XIRP2: variants seen among roughly 807,000 people sequenced by gnomAD.
The protein encoded by XIRP2 is xin actin-binding repeat-containing protein 2.
In XIRP2, 236 loss-of-function variants were observed where a neutral mutation model predicts 277.0. That is an observed-to-expected ratio of 0.85 (90% CI 0.77 to 0.95). XIRP2 has a LOEUF of 0.95. XIRP2 is among the 40% of genes least tolerant of loss of function. XIRP2 has a pLI of 0.00. For synonymous variants in XIRP2, 1,490 were observed against 1,416.5 expected (o/e 1.05, Z -1.17); for missense variants, 4,640 against 4,157.5 (o/e 1.12, Z -3.19).
intron 2 of XIRP2, among the ~76,000 whole-genome samples, chr2:167,014,318 A>G (rs950664498): frequency 2.0e-5 from 3 of 151,788 alleles, no homozygotes; most frequent in Non-Finnish European, 1.5e-5. Context: ...GAAGAAGAAG[A>G]TGTTTCAGGA....
intron 2 of XIRP2, among the ~76,000 whole-genome samples, chr2:167,009,825 G>A (rs1687613526): frequency 1.3e-5 from 2 of 152,130 alleles, no homozygotes; most frequent in Admixed American, 6.6e-5. Context: ...GTGACGGTGA[G>A]CATTTCTTCA....
intron 3 of XIRP2, among the ~76,000 whole-genome samples, chr2:167,199,950 A>G (rs761626261): frequency 6.6e-5 from 10 of 152,220 alleles, no homozygotes; most frequent in Non-Finnish European, 1.2e-4. Context: ...AAAAAAAGTT[A>G]TGTCAAAGAG....
chr2:167,147,132 T>A (rs1350508574), intron 3 of XIRP2, among the ~76,000 whole-genome samples: 3 of 152,078 alleles, frequency 2.0e-5, no homozygotes, highest in Non-Finnish European at 1.5e-5. Context: ...TAAGCAGAAA[T>A]AAACAATATC....
rs900289527 is a variant in XIRP2, at chr2:167,009,704, C to T, written c.408+105814C>T. On this transcript the variant is annotated intron_variant, in intron 2 of 10. Transcript: ENST00000409195. The stretch of plus-strand genomic sequence containing the variant: ...CAACAGTGTAAAAGTGTTCCTATTT[C>T]TCCACATCCTCTCCAGCACCTGTTG... 3.9e-5 allele frequency among the ~76,000 whole-genome samples: 6 copies of T among 152,170 alleles called. 1 individual carries two copies. The highest frequency in any genetic ancestry group is 3.9e-4 in the Admixed American group (6 of 15,262).
chr2:167,098,816 G>T (rs1449711317), intron 2 of XIRP2, among the ~76,000 whole-genome samples: 3 of 152,178 alleles, frequency 2.0e-5, no homozygotes, highest in African/African-American at 7.2e-5. Context: ...CTGCAGATCT[G>T]CTGGAGTTTG....
intron 1 of XIRP2, among the ~76,000 whole-genome samples, chr2:166,901,971 G>T (rs1302453858): frequency 2.0e-5 from 3 of 152,076 alleles, no homozygotes; most frequent in African/African-American, 7.2e-5. Flanking sequence ...GCCAGAGATA[G>T]AGCTGGGAGT....
chr2:167,027,553 C>T (rs1467490349), intron 2 of XIRP2, among the ~76,000 whole-genome samples: 2 of 152,154 alleles, frequency 1.3e-5, no homozygotes, highest in Non-Finnish European at 2.9e-5. Flanking sequence ...TGGTGAGGAG[C>T]TGCATTCCTT....
At chr2:166,988,447 C>G (rs1422390538) in intron 2 of XIRP2, among the ~76,000 whole-genome samples, 1 of 150,694 alleles carries the variant, frequency 6.6e-6, no homozygotes. Context: ...AATGGGAAAA[C>G]TTTAGTTGGA....
chr2:167,088,280 T>C (rs974696838), intron 2 of XIRP2, among the ~76,000 whole-genome samples: 4 of 152,122 alleles, frequency 2.6e-5, no homozygotes, highest in African/African-American at 9.7e-5. Flanking sequence ...TTATCTTTTA[T>C]CCTAGCCACC....
rs1331300431 is a variant in XIRP2, at chr2:167,251,536, G to A, written c.10144G>A (p.Gly3382Arg). 1 of 1,613,468 alleles carries A rather than the reference G, an allele frequency of 6.2e-7. No individual in the cohort carries two copies. Residue 3382 changes from glycine to arginine, a missense_variant, in exon 9 of 11, where the codon GGA becomes AGA. Gly to Arg is a moderately radical substitution (Grantham distance 125). Transcript: ENST00000409195. ...GGAGGAATTTGGATTAACATCTTTA[G>A]GAAACACGAGTTTTACAGACTTTTC... ...CKEEFGLTSL[G>R]NTSFTDFSCK...
intron 2 of XIRP2, among the ~76,000 whole-genome samples, chr2:167,112,518 T>C (rs1418040562): frequency 6.7e-6 from 1 of 149,126 alleles, no homozygotes; most frequent in African/African-American, 2.4e-5. Flanking sequence ...TTCCTCTGTC[T>C]CTCTCTCTAT....
chr2:167,250,034 C>T lies in XIRP2; in HGVS notation c.8642C>T (p.Ala2881Val), dbSNP rs1250299833. 1.2e-6 allele frequency: 2 copies of T among 1,613,494 alleles called. No homozygotes were observed. The highest frequency in any genetic ancestry group is 3.3e-5 in the Admixed American group (2 of 59,950). The change falls in exon 9 of 11, where the codon GCT (alanine) becomes GTT (valine). Residue 2881 changes from alanine (A) to valine (V), a missense_variant. Physicochemically the swap from Ala to Val is moderately conservative, Grantham distance 64. Transcript: ENST00000409195. ...CAAATACAGACCGCTGAAAGTAAAGCTGAACATAAAAAATTGCCCCAGCCA... is the reference window on the plus strand; with the variant it reads ...CAAATACAGACCGCTGAAAGTAAAGTTGAACATAAAAAATTGCCCCAGCCA... The part of the protein sequence containing the change: ...QTQIQTAESK[A>V]EHKKLPQPYN...
At chr2:167,023,591 C>T (rs575051711) in intron 2 of XIRP2, among the ~76,000 whole-genome samples, 1 of 152,132 alleles carries the variant, frequency 6.6e-6, no homozygotes, top group Non-Finnish European at 1.5e-5. Context: ...GGTTTTAGGT[C>T]AAACATGTAA....
chr2:167,178,835 GGA>G (rs1467144875), intron 3 of XIRP2, among the ~76,000 whole-genome samples: 1 of 151,880 alleles, frequency 6.6e-6, no homozygotes, highest in Non-Finnish European at 1.5e-5. Context: ...TAAGGCCCAT[GGA>G]TGTTTTGTTC....
chr2:167,027,522 C>G (rs1226678058), intron 2 of XIRP2, among the ~76,000 whole-genome samples: 2 of 152,158 alleles, frequency 1.3e-5, no homozygotes, highest in Non-Finnish European at 2.9e-5. Flanking sequence ...AGTCATTCTC[C>G]ATCCAGCTTT....
chr2:167,031,276 T>A (rs1688338833), intron 2 of XIRP2, among the ~76,000 whole-genome samples: 1 of 152,118 alleles, frequency 6.6e-6, no homozygotes, highest in Non-Finnish European at 1.5e-5. Flanking sequence ...TGATGCAGTT[T>A]CTTCATAGTG....
At chr2:167,046,633 T>G (rs1005084899) in intron 2 of XIRP2, among the ~76,000 whole-genome samples, 2 of 152,030 alleles carry the variant, frequency 1.3e-5, no homozygotes, top group African/African-American at 2.4e-5. Flanking sequence ...GCAACTTGGA[T>G]GCAACTTAAG....
chr2:166,944,344 G>C (rs905613407), intron 2 of XIRP2, among the ~76,000 whole-genome samples: 2 of 152,114 alleles, frequency 1.3e-5, no homozygotes, highest in African/African-American at 4.8e-5. Context: ...CCTCCTGTTC[G>C]TAAGTTGCCT....
intron 2 of XIRP2, among the ~76,000 whole-genome samples, chr2:167,091,607 G>A (rs113889980): frequency 0.032 from 4,787 of 151,934 alleles, 103 homozygotes; most frequent in East Asian, 0.051. Flanking sequence ...TTGAATCATA[G>A]TTTTAATTCT....
Sources: allele counts gnomAD v4.1 joint callset (sites outside exome capture counted in the v4.1 genomes callset), GRCh38; gene constraint gnomAD v4.1.1; transcripts MANE v1.5; gene names NCBI Gene and HGNC (gene_info 2026-07-23, HGNC 2026-07-21).